EPB41L3: variants seen among roughly 807,000 people sequenced by gnomAD.
EPB41L3 encodes the protein band 4.1-like protein 3.
EPB41L3 carries 57 observed loss-of-function variants against 127.1 expected under a neutral mutation model. The ratio of observed to expected loss-of-function variants is 0.45; its 90% CI spans 0.36 to 0.56. The LOEUF (loss-of-function observed/expected upper bound fraction) is 0.56. Ranked by LOEUF, EPB41L3 falls within the 20% of genes least tolerant of loss-of-function variation. The pLI is 0.00. For synonymous variants in EPB41L3, 572 were observed against 549.5 expected (o/e 1.04, Z -0.57); for missense variants, 1,273 against 1,372.2 (o/e 0.93, Z 1.14).
chr18:5,543,112 C>T lies in EPB41L3; in HGVS notation c.-12+801G>A, dbSNP rs1024868686. Among the ~76,000 whole-genome samples the T allele has an allele frequency of 6.6e-6, 1 of 151,524 alleles. No homozygotes were observed. Among genetic ancestry groups the T allele is most frequent in the Non-Finnish European group, 1.5e-5 (1 of 67,826 alleles). On this transcript the variant is annotated intron_variant, in intron 1 of 22. Transcript: ENST00000341928. This position sits in a 1 kb window ranked among gnomAD's most constrained non-coding sequence, Gnocchi z 5.2. ...GCCACGGCAGGCCGACCCAGGCGCC[C>T]CCGGCCCGCCCGTGCTCCCGCGCCC...
intron 1 of EPB41L3, among the ~76,000 whole-genome samples, chr18:5,519,727 C>T (rs911290652): frequency 2.6e-5 from 4 of 152,152 alleles, no homozygotes; most frequent in African/African-American, 7.2e-5. Flanking sequence ...AATCACTGAT[C>T]CACCCAGCGT....
At chr18:5,471,945 C>T (rs1051679741) in intron 3 of EPB41L3, among the ~76,000 whole-genome samples, 4 of 152,138 alleles carry the variant, frequency 2.6e-5, no homozygotes, top group Non-Finnish European at 4.4e-5. Flanking sequence ...CATCGACCAT[C>T]GAACGCACGT....
chr18:5,423,353 T>C (rs1279863756), intron 11 of EPB41L3, 25 bp downstream of exon 11: 1 of 1,580,732 alleles, frequency 6.3e-7, no homozygotes, highest in Non-Finnish European at 8.6e-7. Flanking sequence ...TACTAGGTTA[T>C]TAAGGGCCAG....
At chr18:5,590,453 T>C (rs1277394621) in intron 3 of EPB41L3, among the ~76,000 whole-genome samples, 1 of 152,176 alleles carries the variant, frequency 6.6e-6, no homozygotes, top group Non-Finnish European at 1.5e-5. Context: ...CTGTCGAGGA[T>C]GCAAAATGGT....
intron 2 of EPB41L3, among the ~76,000 whole-genome samples, chr18:5,488,422 G>A (rs979624303): frequency 2.0e-5 from 3 of 151,976 alleles, no homozygotes; most frequent in Non-Finnish European, 4.4e-5. Context: ...CGGGGACTGG[G>A]GGGCTAGGGG....
chr18:5,414,958 C>A (rs1489434879), intron 13 of EPB41L3, among the ~76,000 whole-genome samples: 1 of 152,226 alleles, frequency 6.6e-6, no homozygotes, highest in African/African-American at 2.4e-5. Context: ...CCACTATGTC[C>A]ATGTCTGGCT....
chr18:5,505,808 C>A (rs1199874311), intron 1 of EPB41L3, among the ~76,000 whole-genome samples: 1 of 133,394 alleles, frequency 7.5e-6, no homozygotes, highest in African/African-American at 2.8e-5. Flanking sequence ...ACCTCCACCC[C>A]TTCCCTCTAC....
chr18:5,495,025 A>T (rs914977880), intron 1 of EPB41L3, among the ~76,000 whole-genome samples: 2 of 152,212 alleles, frequency 1.3e-5, no homozygotes, highest in Non-Finnish European at 2.9e-5. Flanking sequence ...ACAGGCCCTG[A>T]AGGGGCAGCC....
intron 13 of EPB41L3, 128 bp downstream of exon 13, chr18:5,415,690 C>T: frequency 9.8e-7 from 1 of 1,022,064 alleles, no homozygotes; most frequent in Non-Finnish European, 1.4e-6. Context: ...ACAGAAACCT[C>T]AACATATTGG....
intron 1 of EPB41L3, among the ~76,000 whole-genome samples, chr18:5,528,527 T>C (rs573141864): frequency 6.6e-6 from 1 of 152,216 alleles, no homozygotes; most frequent in East Asian, 1.9e-4. Flanking sequence ...TCAACCCTTT[T>C]GTGTATCAGA....
chr18:5,543,997 C>T lies in EPB41L3; in HGVS notation c.-96G>A. On this transcript the variant is annotated 5_prime_UTR_variant, in exon 1 of 23. Coordinates refer to ENST00000341928, the MANE Select transcript of EPB41L3 (RefSeq NM_012307.5). This position sits in a 1 kb window ranked among gnomAD's most constrained non-coding sequence, Gnocchi z 5.2. ...CCTCGGCGGCGGTGCGCAGGAGACTCGGGCGTGGGGAGGAAGCCGCAGCCC... is the reference window on the plus strand; with the variant it reads ...CCTCGGCGGCGGTGCGCAGGAGACTTGGGCGTGGGGAGGAAGCCGCAGCCC... 4 of 985,538 alleles carry T rather than the reference C, an allele frequency of 4.1e-6. No individual in the cohort carries two copies. Among genetic ancestry groups the T allele is most frequent in the African/African-American group, 1.7e-5 (1 of 57,352 alleles). 61.0% of individuals were successfully genotyped at this position (985,538 alleles called of 1,614,324 possible). A position where few individuals can be genotyped will look rare whatever the true frequency, so the allele number is the denominator to read the frequency against.
chr18:5,397,920 C>A lies in EPB41L3; in HGVS notation c.2472+101G>T. 1 of 1,458,844 alleles carries A rather than the reference C, an allele frequency of 6.9e-7. No individual in the cohort carries two copies. Among genetic ancestry groups the A allele is most frequent in the South Asian group, 1.3e-5 (1 of 79,678 alleles). The allele number at this position is 1,458,844 out of a possible 1,614,324, so 90.4% of individuals were successfully genotyped here. A position where few individuals can be genotyped will look rare whatever the true frequency, so the allele number is the denominator to read the frequency against. ...GAAGACACCTTTGAGATGTTGAAGG[C>A]AAAGCCAGCTGGATGCAACCACACA... is the stretch of plus-strand genomic sequence containing the variant. On this transcript the variant is annotated intron_variant, in intron 17 of 22. Coordinates refer to ENST00000341928, the MANE Select transcript of EPB41L3 (RefSeq NM_012307.5). This position sits in a 1 kb window ranked among gnomAD's most constrained non-coding sequence, Gnocchi z 4.1.
chr18:5,541,399 A>C (rs909073126), intron 1 of EPB41L3, among the ~76,000 whole-genome samples: 19 of 152,162 alleles, frequency 1.2e-4, no homozygotes, highest in African/African-American at 4.3e-4. Flanking sequence ...ATTTTAGGGA[A>C]AGCACTAACT....
intron 1 of EPB41L3, among the ~76,000 whole-genome samples, chr18:5,498,666 A>G (rs2091441548): frequency 6.6e-6 from 1 of 151,266 alleles, no homozygotes; most frequent in Non-Finnish European, 1.5e-5. Flanking sequence ...GCACCCTCAC[A>G]ACAGCATCCT....
chr18:5,586,563 C>CTT (rs1302939794), intron 3 of EPB41L3, among the ~76,000 whole-genome samples: 3 of 100,106 alleles, frequency 3.0e-5, no homozygotes, highest in Non-Finnish European at 6.6e-5. Context: ...CCATACATGA[C>CTT]TATTTTTTTT....
At chr18:5,518,805 C>A (rs181508438) in intron 1 of EPB41L3, among the ~76,000 whole-genome samples, 1 of 152,146 alleles carries the variant, frequency 6.6e-6, no homozygotes, top group African/African-American at 2.4e-5. Context: ...CCCAGACTCT[C>A]GCTGCTTAAG....
At chr18:5,463,275 T>C (rs1291806986) in intron 3 of EPB41L3, among the ~76,000 whole-genome samples, 3 of 152,150 alleles carry the variant, frequency 2.0e-5, no homozygotes, top group Non-Finnish European at 2.9e-5. Flanking sequence ...CTCCCCTACA[T>C]AAAGCTCCTC....
At chr18:5,544,936 GAAAAT>G (rs568868231), upstream of EPB41L3, among the ~76,000 whole-genome samples, 149 of 151,992 alleles carry the variant, frequency 9.8e-4, 1 homozygote, top group African/African-American at 3.4e-3. Context: ...CACAAAAATT[GAAAAT>G]AAAATATTAA....
chr18:5,533,329 A>T (rs2093470587), intron 1 of EPB41L3, among the ~76,000 whole-genome samples: 1 of 152,198 alleles, frequency 6.6e-6, no homozygotes, highest in Non-Finnish European at 1.5e-5. Context: ...AACTGATGCA[A>T]TTCAAATGTG....
Sources: gnomAD v4.1 joint callset for allele counts (sites outside exome capture counted in the v4.1 genomes callset) on GRCh38, gnomAD v4.1.1 for gene constraint, Gnocchi (gnomAD v3.1) non-coding constraint, MANE v1.5 for transcripts, NCBI Gene and HGNC (gene_info 2026-07-23, HGNC 2026-07-21) for gene names.